Variants in AATK observed in about 807,000 individuals in gnomAD.
The protein encoded by AATK is serine/threonine-protein kinase LMTK1.
In AATK, 91 loss-of-function variants were observed where a neutral mutation model predicts 114.3. That is an observed-to-expected ratio of 0.80 (90% confidence interval 0.67 to 0.95). AATK has a LOEUF of 0.95. AATK is among the 40% of genes least tolerant of loss of function. The pLI is 0.00. For synonymous variants in AATK, 1,075 were observed against 916.5 expected, an observed-to-expected ratio of 1.17 and a Z score of -3.12; for missense variants, 2,176 against 1,965.2, an observed-to-expected ratio of 1.11 and a Z score of -2.03.
chr17:81,123,647 G>A (rs561206329), intron 9 of AATK, among the ~76,000 whole-genome samples: 1 of 152,030 alleles, frequency 6.6e-6, no homozygotes, highest in South Asian at 2.1e-4. Flanking sequence ...GACACTGCCC[G>A]GTGTGGGAGC....
At position 81,166,139 on chromosome 17, in the gene AATK, A is replaced by G. The variant is rs1288787775; in HGVS notation, c.-147T>C. ...GCCCCGCGCCCCCCGCCGCAGCCGC[A>G]GAGCCCGCACCGGTGGGGGCGGCGG... is the stretch of plus-strand genomic sequence containing the variant. On this transcript the variant is annotated 5_prime_UTR_variant, in exon 1 of 14. Coordinates refer to ENST00000326724, the MANE Select transcript of AATK (RefSeq NM_001080395.3). 5 of 301,604 alleles carry G rather than the reference A, an allele frequency of 1.7e-5. No homozygotes were observed. Among genetic ancestry groups the G allele is most frequent in the Non-Finnish European group, 2.4e-5 (5 of 210,954 alleles). 18.7% of individuals were successfully genotyped at this position (301,604 alleles called of 1,614,324 possible).
Position 81,118,363 on chromosome 17 carries a change from C to A in AATK, c.*39G>T. ...CCTCGCTGCTGCCTGGCAGGGGCTC[C>A]GGTGACGCCAGCCTTGAGGGGCAGG... On this transcript the variant is annotated 3_prime_UTR_variant, in exon 14 of 14. Coordinates refer to ENST00000326724, the MANE Select transcript of AATK (RefSeq NM_001080395.3). The A allele has an allele frequency of 6.3e-7, 1 of 1,580,750 alleles. No individual in the cohort carries two copies. The highest frequency in any genetic ancestry group is 8.6e-7 in the Non-Finnish European group (1 of 1,163,858).
In AATK at chr17:81,161,736, G is replaced by A. The variant is rs529045931; in HGVS notation, c.55+4202C>T. On this transcript the variant is annotated intron_variant, in intron 1 of 13. Coordinates refer to ENST00000326724, the MANE Select transcript of AATK (RefSeq NM_001080395.3). ...TGTCCATGGTCACACAGCAGGGCCCGGCCCAGGACACCAGCCCACGCCAGA... is the reference window on the plus strand; with the variant it reads ...TGTCCATGGTCACACAGCAGGGCCCAGCCCAGGACACCAGCCCACGCCAGA... 8.7e-4 allele frequency among the ~76,000 whole-genome samples: 133 copies of A among 152,264 alleles called. 1 individual carries two copies. The highest frequency in any genetic ancestry group is 3.1e-3 in the African/African-American group (127 of 41,548).
chr17:81,140,886 A>ACCGTGGGG (rs2061122725), intron 1 of AATK, among the ~76,000 whole-genome samples: 2 of 70,634 alleles, frequency 2.8e-5, no homozygotes, highest in African/African-American at 6.0e-5. Context: ...GGCCGTGGGG[A>ACCGTGGGG]CCGTGAGCTG....
intron 13 of AATK, 103 bp downstream of exon 13, chr17:81,119,277 C>CT: frequency 8.0e-7 from 1 of 1,255,048 alleles, no homozygotes; most frequent in African/African-American, 1.6e-5. Context: ...GGAGCGGAGC[C>CT]GGGGCTGGCC....
intron 1 of AATK, among the ~76,000 whole-genome samples, chr17:81,146,188 T>TAAAAA (rs34197372): frequency 4.5e-4 from 56 of 124,650 alleles, no homozygotes; most frequent in South Asian, 2.7e-4. Flanking sequence ...GACTCCATAT[T>TAAAAA]AAAAAAAAAA....
At chr17:81,156,110 GTATGTTAC>G (rs879914325) in intron 1 of AATK, among the ~76,000 whole-genome samples, 23,128 of 144,918 alleles carry the variant, frequency 0.16, 2,759 homozygotes, top group African/African-American at 0.34. Context: ...ATGTTACAAT[GTATGTTAC>G]TATGTTACAA....
Position 81,166,035 on chromosome 17 carries a change from C to G in AATK, c.-43G>C, listed in dbSNP as rs2061486988. Reference sequence around the variant, plus strand: ...GCGGGCATCCCGGGAGGGCGCTGCGCTCAGGACGCCCGCGGCCCCGGCCCG... The same window carrying G: ...GCGGGCATCCCGGGAGGGCGCTGCGGTCAGGACGCCCGCGGCCCCGGCCCG... On this transcript the variant is annotated 5_prime_UTR_variant, in exon 1 of 14. Transcript: ENST00000326724. The G allele has an allele frequency of 6.9e-7, 1 of 1,448,384 alleles. No individual in the cohort carries two copies. The allele number at this position is 1,448,384 out of a possible 1,614,324, so 89.7% of individuals were successfully genotyped here.
At chr17:81,128,020 C>T in intron 4 of AATK, 110 bp from the exon 5 acceptor site, 2 of 1,333,926 alleles carry the variant, frequency 1.5e-6, no homozygotes, top group South Asian at 1.4e-5. Context: ...CAGGACACTT[C>T]TCCTCCTGTG....
intron 6 of AATK, among the ~76,000 whole-genome samples, chr17:81,127,254 A>G (rs1263567044): frequency 6.6e-6 from 1 of 150,630 alleles, no homozygotes; most frequent in Non-Finnish European, 1.5e-5. Flanking sequence ...CGTGGAGCCC[A>G]AGTGGGCCAG....
chr17:81,151,333 C>T (rs2061294437), intron 1 of AATK, among the ~76,000 whole-genome samples: 1 of 151,248 alleles, frequency 6.6e-6, no homozygotes, highest in Non-Finnish European at 1.5e-5. Context: ...CCTCCTCCCC[C>T]ACATCCCCCA....
At chr17:81,158,731 T>C (rs2061396096) in intron 1 of AATK, among the ~76,000 whole-genome samples, 1 of 152,162 alleles carries the variant, frequency 6.6e-6, no homozygotes. Flanking sequence ...CTGACATCTT[T>C]CGCCACAGAA....
At chr17:81,132,692 G>T in intron 2 of AATK, 1 of 331,294 alleles carries the variant, frequency 3.0e-6, no homozygotes, top group South Asian at 2.2e-5. Flanking sequence ...TGCCGATACA[G>T]CGTGCAATCA....
rs1598900602 is a variant in AATK, at chr17:81,119,410, C to T, written c.4054G>A (p.Val1352Met). 2.6e-6 allele frequency: 4 copies of T among 1,549,258 alleles called. No homozygotes were observed. The highest frequency in any genetic ancestry group is 8.7e-7 in the Non-Finnish European group (1 of 1,154,830). ...APTSRFSITH[V>M]SDSDAESKRG... ...TTGGACTCGGCGTCCGAGTCAGACA[C>T]GTGCGTGATGGAGAAGCGGGACGTG... The change falls in exon 13 of 14, where the codon GTG becomes ATG. Residue 1352 changes from valine to methionine, a missense_variant. Val to Met is a conservative substitution (Grantham distance 21). This residue lies in a region of AATK where 1,701 missense variants were observed against 1,394.7 expected (regional missense o/e 1.22). Coordinates refer to ENST00000326724, the MANE Select transcript of AATK (RefSeq NM_001080395.3).
intron 1 of AATK, among the ~76,000 whole-genome samples, chr17:81,151,597 A>T: frequency 6.6e-6 from 1 of 152,048 alleles, no homozygotes; most frequent in Non-Finnish European, 1.5e-5. Context: ...TGTCCAAAGG[A>T]CACCCTGACC....
At chr17:81,134,682 G>A (rs1277120153) in intron 1 of AATK, among the ~76,000 whole-genome samples, 181 bp from the exon 2 acceptor site, 1 of 152,232 alleles carries the variant, frequency 6.6e-6, no homozygotes, top group African/African-American at 2.4e-5. Context: ...AGAGCCTGCA[G>A]TCCTGCAGCC....
intron 1 of AATK, chr17:81,165,537 C>T (rs750191764): frequency 2.0e-4 from 178 of 885,510 alleles, no homozygotes; most frequent in Non-Finnish European, 2.7e-4. Flanking sequence ...AGAAGCCTCC[C>T]ACGCCAGGGC....
At chr17:81,119,273 G>GAGCGT in intron 13 of AATK, 107 bp downstream of exon 13, 1 of 1,226,080 alleles carries the variant, frequency 8.2e-7, no homozygotes, top group Non-Finnish European at 1.1e-6. Context: ...GAGCGGAGCG[G>GAGCGT]AGCCGGGGCT....
At chr17:81,127,213 C>A (rs1340253489) in intron 6 of AATK, among the ~76,000 whole-genome samples, 1 of 152,034 alleles carries the variant, frequency 6.6e-6, no homozygotes, top group Non-Finnish European at 1.5e-5. Flanking sequence ...CAGGCCCAGC[C>A]CCCCATGGCA....
Sources: allele counts gnomAD v4.1 joint callset (sites outside exome capture counted in the v4.1 genomes callset), GRCh38; gene constraint gnomAD v4.1.1; regional missense constraint gnomAD v4.1.1; transcripts MANE v1.5; gene names NCBI Gene and HGNC (gene_info 2026-07-23, HGNC 2026-07-21).